Variants in PARD3B observed in about 807,000 individuals in gnomAD.
The protein encoded by PARD3B is par-3 family cell polarity regulator beta, also known as partitioning defective 3 homolog B.
Under a neutral mutation model 130.2 loss-of-function variants are expected in PARD3B, and 103 were observed. The observed-to-expected ratio is 0.79, with a 90% confidence interval of 0.67 to 0.93. The LOEUF (loss-of-function observed/expected upper bound fraction) is 0.93, where lower values mean the gene tolerates loss of function less well. Ranked by LOEUF, PARD3B falls within the 40% of genes least tolerant of loss-of-function variation. PARD3B has a pLI of 0.00. For synonymous variants in PARD3B, 583 were observed against 553.2 expected, an observed-to-expected ratio of 1.05 and a Z score of -0.76; for missense variants, 1,609 against 1,499.2, an observed-to-expected ratio of 1.07 and a Z score of -1.21.
chr2:205,316,218 T>C (rs1056222420), intron 18 of PARD3B, among the ~76,000 whole-genome samples: 1 of 152,110 alleles, frequency 6.6e-6, no homozygotes, highest in African/African-American at 2.4e-5. Flanking sequence ...TGGGAGTTAA[T>C]TATTTTTTTT....
intron 21 of PARD3B, among the ~76,000 whole-genome samples, chr2:205,509,816 G>A (rs2050523714): frequency 6.6e-6 from 1 of 152,200 alleles, no homozygotes; most frequent in South Asian, 2.1e-4. Flanking sequence ...CCCAAGAGTG[G>A]ATCCGATTTC....
chr2:205,159,803 C>G (rs2034403959), intron 11 of PARD3B, among the ~76,000 whole-genome samples: 2 of 152,196 alleles, frequency 1.3e-5, no homozygotes, highest in African/African-American at 4.8e-5. Flanking sequence ...AGCTGCTCAG[C>G]CTTGACATGC....
intron 10 of PARD3B, among the ~76,000 whole-genome samples, chr2:205,154,488 C>T (rs534775685): frequency 2.6e-5 from 4 of 152,184 alleles, no homozygotes; most frequent in East Asian, 1.9e-4. Context: ...GACAGTGTGG[C>T]GATTCCTCAA....
At chr2:204,670,209 A>T (rs1338172718) in intron 1 of PARD3B, among the ~76,000 whole-genome samples, 1 of 152,196 alleles carries the variant, frequency 6.6e-6, no homozygotes, top group Non-Finnish European at 1.5e-5. Flanking sequence ...ATCTGTAAAG[A>T]TCTAGAAAGT....
intron 1 of PARD3B, among the ~76,000 whole-genome samples, chr2:204,638,876 T>C (rs2034979807): frequency 6.6e-6 from 1 of 152,244 alleles, no homozygotes; most frequent in Non-Finnish European, 1.5e-5. Flanking sequence ...CTAGGACCTA[T>C]TCTGCCTTTG....
intron 22 of PARD3B, among the ~76,000 whole-genome samples, chr2:205,596,181 G>GTAA (rs1436959258): frequency 3.9e-5 from 6 of 152,184 alleles, no homozygotes; most frequent in Non-Finnish European, 8.8e-5. Context: ...TACCAACCAT[G>GTAA]TAATGATCAG....
chr2:205,593,933 C>T (rs1285104092), intron 22 of PARD3B, among the ~76,000 whole-genome samples: 1 of 152,166 alleles, frequency 6.6e-6, no homozygotes, highest in Non-Finnish European at 1.5e-5. Flanking sequence ...TGTGCTGTCA[C>T]CCATATCATT....
At chr2:205,181,086 A>G (rs1051208230) in intron 13 of PARD3B, among the ~76,000 whole-genome samples, 5 of 151,834 alleles carry the variant, frequency 3.3e-5, no homozygotes, top group African/African-American at 1.2e-4. Context: ...GCTCAAGTGC[A>G]CTCCTGTCTT....
intron 1 of PARD3B, among the ~76,000 whole-genome samples, chr2:204,624,281 C>T (rs915462783): frequency 3.9e-5 from 6 of 151,996 alleles, no homozygotes; most frequent in African/African-American, 1.4e-4. Context: ...ATAAAAATCT[C>T]AATGAAATAT....
At chr2:204,941,359 G>GC (rs1688888032) in intron 2 of PARD3B, among the ~76,000 whole-genome samples, 1 of 152,154 alleles carries the variant, frequency 6.6e-6, no homozygotes, top group Non-Finnish European at 1.5e-5. Flanking sequence ...GGGCGACAGA[G>GC]CGAGACTCTG....
In PARD3B at chr2:205,274,056, T is replaced by C. The variant is rs140425773; in HGVS notation, c.2186-26474T>C. Among the ~76,000 whole-genome samples, 64 of 152,336 alleles carry C rather than the reference T, an allele frequency of 4.2e-4. 2 individuals are homozygous for C. In the East Asian group the frequency reaches 0.011, roughly 27 times the overall value. ...GAGGATTGGCTCCTGTTTTGTGTTA[T>C]CCATATTATTAGCTCAGCTCATCTA... is the stretch of plus-strand genomic sequence containing the variant. On this transcript the variant is annotated intron_variant, in intron 16 of 22. Coordinates refer to ENST00000406610, the MANE Select transcript of PARD3B (RefSeq NM_001302769.2). This position sits in a 1 kb window ranked among gnomAD's most constrained non-coding sequence, Gnocchi z 4.2.
intron 3 of PARD3B, among the ~76,000 whole-genome samples, chr2:205,016,675 G>T (rs1696175200): frequency 6.6e-6 from 1 of 152,144 alleles, no homozygotes; most frequent in Non-Finnish European, 1.5e-5. Context: ...AGAGATGATG[G>T]TTTGCAAGGC....
chr2:205,049,687 G>T (rs773500819), intron 4 of PARD3B, among the ~76,000 whole-genome samples: 1 of 152,292 alleles, frequency 6.6e-6, no homozygotes, highest in South Asian at 2.1e-4. Flanking sequence ...TATGACATCA[G>T]TGAGTTCCAA....
At position 205,276,317 on chromosome 2, in the gene PARD3B, T is replaced by C. The variant is rs1574570829; in HGVS notation, c.2186-24213T>C. On this transcript the variant is annotated intron_variant, in intron 16 of 22. Transcript: ENST00000406610. This position sits in a 1 kb window ranked among gnomAD's most constrained non-coding sequence, Gnocchi z 5.0. ...CTTGGCAAACAACCTAGAGAGAAAA[T>C]ATGTCTTCTGAAAAGATCACGAAAT... Among the ~76,000 whole-genome samples, 3 of 152,042 alleles carry C rather than the reference T, an allele frequency of 2.0e-5. No homozygotes were observed. Among genetic ancestry groups the C allele is most frequent in the Admixed American group, 6.6e-5 (1 of 15,256 alleles).
chr2:204,637,855 A>G (rs1041365818), intron 1 of PARD3B, among the ~76,000 whole-genome samples: 1 of 152,038 alleles, frequency 6.6e-6, no homozygotes, highest in East Asian at 1.9e-4. Context: ...TGGAGAGAAG[A>G]ATGCACAGTG....
At chr2:204,888,144 A>C (rs1001261268) in intron 2 of PARD3B, among the ~76,000 whole-genome samples, 9 of 152,154 alleles carry the variant, frequency 5.9e-5, no homozygotes, top group Non-Finnish European at 1.2e-4. Context: ...AGAAGGGTAG[A>C]GGTATTGAAA....
At chr2:205,381,694 C>T (rs73982899) in intron 18 of PARD3B, among the ~76,000 whole-genome samples, 2,586 of 151,912 alleles carry the variant, frequency 0.017, 73 homozygotes, top group African/African-American at 0.059. Flanking sequence ...TAAAAGCGAA[C>T]GGAGAGTGGT....
chr2:205,193,682 G>GCATA (rs1559529047), intron 15 of PARD3B, among the ~76,000 whole-genome samples: 1 of 152,118 alleles, frequency 6.6e-6, no homozygotes, highest in African/African-American at 2.4e-5. Context: ...CTCTGTGCGG[G>GCATA]CATACCTGTT....
intron 1 of PARD3B, among the ~76,000 whole-genome samples, chr2:204,626,115 T>A (rs2034478068): frequency 6.6e-6 from 1 of 152,150 alleles, no homozygotes; most frequent in South Asian, 2.1e-4. Context: ...TAAAATTTGG[T>A]AGGTGAACAA....
Sources: allele counts gnomAD v4.1 joint callset (sites outside exome capture counted in the v4.1 genomes callset), GRCh38; gene constraint gnomAD v4.1.1; non-coding constraint Gnocchi (gnomAD v3.1); transcripts MANE v1.5; gene names NCBI Gene and HGNC (gene_info 2026-07-23, HGNC 2026-07-21).